The following FMN2 variants were observed in gnomAD, a reference collection of about 807,000 sequenced individuals.
FMN2 encodes formin-2.
FMN2 carries 51 observed loss-of-function variants against 142.3 expected under a neutral mutation model. That is an observed-to-expected ratio of 0.36 (90% CI 0.29 to 0.45). The LOEUF (loss-of-function observed/expected upper bound fraction) is 0.45. FMN2 is among the 20% of genes least tolerant of loss of function. The pLI is 1.00. For missense variants in FMN2, 1,936 were observed against 2,122.8 expected (o/e 0.91, Z 1.73); for synonymous variants, 882 against 869.8 (o/e 1.01, Z -0.25).
At position 240,208,292 on chromosome 1, in the gene FMN2, G is replaced by C; in HGVS notation, c.3480G>C (p.Ala1160=). 2.7e-6 allele frequency: 1 copy of C among 374,766 alleles called. No homozygotes were observed. The highest frequency in any genetic ancestry group is 4.6e-6 in the Non-Finnish European group (1 of 216,704). 23.2% of individuals were successfully genotyped at this position (374,766 alleles called of 1,614,324 possible). A position where few individuals can be genotyped will look rare whatever the true frequency, so the allele number is the denominator to read the frequency against. The change falls in exon 5 of 18, where the codon GCG becomes GCC. Residue 1160 remains alanine, a synonymous_variant. Transcript: ENST00000319653. ...CCCCTCCGCCCCCACTTCCCGGAGCGGGCATACCCCCACCTCCCCCTCTAC... is the reference window on the plus strand; with the variant it reads ...CCCCTCCGCCCCCACTTCCCGGAGCCGGCATACCCCCACCTCCCCCTCTAC... ...GIPPPPPLPG[A]GIPPPPPLPG... is the part of the protein sequence containing the mutation.
intron 6 of FMN2, among the ~76,000 whole-genome samples, chr1:240,218,099 A>G (rs1231360918): frequency 2.0e-5 from 3 of 152,042 alleles, no homozygotes; most frequent in South Asian, 2.1e-4. Context: ...CCTGGCCAAC[A>G]TGGTGAAACC....
intron 6 of FMN2, among the ~76,000 whole-genome samples, chr1:240,223,443 T>G (rs6660912): frequency 0.31 from 46,517 of 151,958 alleles, 7,793 homozygotes; most frequent in African/African-American, 0.45. Flanking sequence ...GCCTGAAATT[T>G]TTTTGTTTTG....
chr1:240,262,594 C>T (rs7530941), intron 7 of FMN2, among the ~76,000 whole-genome samples: 60,016 of 151,748 alleles, frequency 0.4, 12,273 homozygotes, highest in East Asian at 0.55. Context: ...GGTCCATTTT[C>T]ATAGATAACA....
chr1:240,171,929 C>T (rs940378061), intron 2 of FMN2, among the ~76,000 whole-genome samples: 16 of 151,984 alleles, frequency 1.1e-4, no homozygotes, highest in Admixed American at 3.9e-4. Context: ...AATGTCATTC[C>T]GCAAAAGCCA....
intron 6 of FMN2, among the ~76,000 whole-genome samples, chr1:240,236,456 A>G (rs1414748230): frequency 2.6e-5 from 4 of 152,296 alleles, no homozygotes; most frequent in South Asian, 2.1e-4. Context: ...TTAGTTTTGC[A>G]CTGTTATAAA....
At chr1:240,334,290 C>T (rs1671488556) in intron 13 of FMN2, 61 bp downstream of exon 13, 7 of 1,465,600 alleles carry the variant, frequency 4.8e-6, no homozygotes, top group Non-Finnish European at 5.4e-6. Context: ...AGAAGGCAGA[C>T]TTTTCAATGT....
chr1:240,425,477 T>C (rs902090916), intron 15 of FMN2, among the ~76,000 whole-genome samples: 3 of 152,186 alleles, frequency 2.0e-5, no homozygotes, highest in African/African-American at 7.2e-5. Flanking sequence ...CAGTTGCTTT[T>C]GTGGATCCAT....
Position 240,225,324 on chromosome 1 carries a change from C to T in FMN2, c.4065+14089C>T, listed in dbSNP as rs184788633. On this transcript the variant is annotated intron_variant, in intron 6 of 17. Transcript: ENST00000319653. ...ATGTGATAGCAGACTCCAAGGCACC[C>T]CTCAGCCCCAGTGGTTAAGGGTAAA... Among the ~76,000 whole-genome samples the T allele has an allele frequency of 2.7e-3, 412 of 152,260 alleles. 3 individuals are homozygous for T. The South Asian group carries it at 0.027, about 10-fold the overall frequency.
intron 15 of FMN2, among the ~76,000 whole-genome samples, chr1:240,435,108 A>C (rs2103172146): frequency 6.6e-6 from 1 of 152,314 alleles, no homozygotes; most frequent in African/African-American, 2.4e-5. Context: ...TCACAGGTTC[A>C]TAAAGTTTTA....
chr1:240,427,264 A>G (rs534439666), intron 15 of FMN2, among the ~76,000 whole-genome samples: 71 of 150,706 alleles, frequency 4.7e-4, no homozygotes, highest in Admixed American at 1.2e-3. Context: ...GGAGTGCAGT[A>G]GTGCTATCTC....
At chr1:240,364,882 C>A (rs564706275) in intron 14 of FMN2, among the ~76,000 whole-genome samples, 5 of 152,314 alleles carry the variant, frequency 3.3e-5, no homozygotes, top group Non-Finnish European at 7.3e-5. Context: ...TCTTCTGCTC[C>A]GCTTGTGTTC....
At chr1:240,191,407 G>T (rs1665691696) in intron 4 of FMN2, among the ~76,000 whole-genome samples, 1 of 152,180 alleles carries the variant, frequency 6.6e-6, no homozygotes, top group African/African-American at 2.4e-5. Context: ...ACGGACTGTA[G>T]CTACTCCTTG....
At chr1:240,389,773 G>A (rs1673542547) in intron 14 of FMN2, among the ~76,000 whole-genome samples, 1 of 152,008 alleles carries the variant, frequency 6.6e-6, no homozygotes, top group African/African-American at 2.4e-5. Context: ...GCAACATAGC[G>A]AGACCTCCAT....
chr1:240,334,012 T>G (rs1572204338), intron 12 of FMN2, 66 bp downstream of exon 12: 1 of 1,574,730 alleles, frequency 6.4e-7, no homozygotes, highest in South Asian at 1.2e-5. Context: ...TTGGCAGTAC[T>G]TTTTGTTGTT....
chr1:240,359,750 C>G (rs1040331386), intron 14 of FMN2, among the ~76,000 whole-genome samples: 1 of 152,208 alleles, frequency 6.6e-6, no homozygotes, highest in Non-Finnish European at 1.5e-5. Flanking sequence ...GATATGTACC[C>G]TCCTTGAGAG....
intron 14 of FMN2, among the ~76,000 whole-genome samples, chr1:240,364,410 A>G (rs1672593484): frequency 1.3e-5 from 2 of 152,210 alleles, no homozygotes; most frequent in South Asian, 2.1e-4. Flanking sequence ...GTATTAGTGC[A>G]ACATTCATGC....
intron 1 of FMN2, among the ~76,000 whole-genome samples, chr1:240,104,693 G>GA (rs890356946): frequency 4.7e-4 from 72 of 152,134 alleles, no homozygotes; most frequent in African/African-American, 1.6e-3. Flanking sequence ...ACCACCTTTG[G>GA]AAAAAAATCT....
chr1:240,431,421 T>C (rs1473267583), intron 15 of FMN2, among the ~76,000 whole-genome samples: 3 of 146,442 alleles, frequency 2.0e-5, no homozygotes, highest in East Asian at 2.0e-4. Flanking sequence ...TATATATATA[T>C]ATACATATAT....
Position 240,208,080 on chromosome 1 carries a change from C to G in FMN2, c.3268C>G (p.Pro1090Ala). 2 of 783,916 alleles carry G rather than the reference C, an allele frequency of 2.6e-6. No homozygotes were observed. The highest frequency in any genetic ancestry group is 2.7e-5 in the East Asian group (1 of 37,212). The allele number at this position is 783,916 out of a possible 1,614,324, so 48.6% of individuals were successfully genotyped here. ...CGGAGCGGGCATACCCCCACCTCCC[C>G]CTCTACCCGGAGCGGGCATACCCCC... The part of the protein sequence containing the change: ...LPGAGIPPPP[P>A]LPGAGIPPPP... Residue 1090 changes from proline to alanine, a missense_variant, in exon 5 of 18, where the codon CCT (proline) becomes GCT (alanine). Pro to Ala is a conservative substitution (Grantham distance 27). Around this residue, in one of 8 missense-constraint regions of FMN2, gnomAD observed 56 missense variants for 111.8 expected, o/e 0.50. Transcript: ENST00000319653.
Sources: gnomAD v4.1 joint callset for allele counts (sites outside exome capture counted in the v4.1 genomes callset) on GRCh38, gnomAD v4.1.1 for gene constraint, gnomAD v4.1.1 regional missense constraint, MANE v1.5 for transcripts, NCBI Gene and HGNC (gene_info 2026-07-23, HGNC 2026-07-21) for gene names.